Variants in HHAT observed in about 807,000 individuals in gnomAD.
HHAT encodes the protein protein-cysteine N-palmitoyltransferase HHAT.
A neutral mutation model predicts 70.8 loss-of-function variants in HHAT; 47 were observed. The observed-to-expected ratio is 0.66, with a 90% CI of 0.53 to 0.85. The LOEUF (loss-of-function observed/expected upper bound fraction) is 0.85. HHAT is among the 40% of genes least tolerant of loss of function. The pLI, the probability that HHAT is intolerant of heterozygous loss-of-function variation, is 0.00. For missense variants in HHAT, 609 were observed against 604.8 expected (o/e 1.01, Z -0.07); for synonymous variants, 228 against 247.6 (o/e 0.92, Z 0.74).
At position 210,608,843 on chromosome 1, in the gene HHAT, G is replaced by A. The variant is rs530657913; in HGVS notation, c.1246-14683G>A. On this transcript the variant is annotated intron_variant, in intron 10 of 11. Transcript: ENST00000261458. ...TGGCATCTTGTTGCTGCATCCTCCA[G>A]AGGGGACAAAACTGAATTGACTCAC... is the stretch of plus-strand genomic sequence containing the variant. Among the ~76,000 whole-genome samples, 6 of 152,296 alleles carry A rather than the reference G, an allele frequency of 3.9e-5. No individual in the cohort carries two copies. The South Asian group carries it at 1.2e-3, about 32-fold the overall frequency.
At chr1:210,630,921 C>T in intron 11 of HHAT, 1 of 394,354 alleles carries the variant, frequency 2.5e-6, no homozygotes, top group South Asian at 1.9e-5. Context: ...AGGATGGAAA[C>T]TGAAGCCATA....
chr1:210,452,065 T>C (rs2148400111), intron 7 of HHAT, among the ~76,000 whole-genome samples: 1 of 152,348 alleles, frequency 6.6e-6, no homozygotes, highest in Middle Eastern at 3.4e-3. Context: ...GAAGTGCTGT[T>C]GTAATTGCTA....
intron 8 of HHAT, among the ~76,000 whole-genome samples, chr1:210,468,637 T>C (rs1429168203): frequency 6.6e-6 from 1 of 152,098 alleles, no homozygotes; most frequent in Non-Finnish European, 1.5e-5. Context: ...GGTCCCTAGG[T>C]AGAGAGTTGG....
At chr1:210,638,722 CAAAAAAAAAA>C (rs71146238) in intron 11 of HHAT, among the ~76,000 whole-genome samples, 2 of 95,280 alleles carry the variant, frequency 2.1e-5, no homozygotes, top group East Asian at 3.2e-4. Context: ...CCTGTATTTA[CAAAAAAAAAA>C]AAAAAAAAAA....
chr1:210,555,510 C>T (rs1200178489), intron 9 of HHAT, among the ~76,000 whole-genome samples: 1 of 152,176 alleles, frequency 6.6e-6, no homozygotes, highest in African/African-American at 2.4e-5. Context: ...CAGTGGGAGT[C>T]TGTGGAGAGT....
intron 8 of HHAT, 80 bp downstream of exon 8, chr1:210,464,735 G>A: frequency 7.0e-7 from 1 of 1,437,208 alleles, no homozygotes; most frequent in Non-Finnish European, 9.6e-7. Flanking sequence ...AAGGGTTCGG[G>A]CTACTATCCT....
At chr1:210,516,631 A>T (rs887847511) in intron 9 of HHAT, among the ~76,000 whole-genome samples, 6 of 152,164 alleles carry the variant, frequency 3.9e-5, no homozygotes, top group African/African-American at 1.2e-4. Flanking sequence ...AGAAATTGTC[A>T]TACGTTCCCC....
At chr1:210,510,109 G>A (rs967159161) in intron 8 of HHAT, among the ~76,000 whole-genome samples, 2 of 152,172 alleles carry the variant, frequency 1.3e-5, no homozygotes, top group Non-Finnish European at 2.9e-5. Context: ...ATTTTATAAT[G>A]CAGAAATGGT....
At chr1:210,534,360 G>C (rs563626819) in intron 9 of HHAT, among the ~76,000 whole-genome samples, 1 of 151,944 alleles carries the variant, frequency 6.6e-6, no homozygotes, top group East Asian at 1.9e-4. Flanking sequence ...CACACTACAC[G>C]GTGTAAAGAT....
chr1:210,469,700 G>A (rs977218155), intron 8 of HHAT, among the ~76,000 whole-genome samples: 1 of 151,970 alleles, frequency 6.6e-6, no homozygotes, highest in South Asian at 2.1e-4. Flanking sequence ...ACAGTGTCTC[G>A]CTCTGTCACC....
chr1:210,396,939 TGTG>T lies in HHAT; in HGVS notation c.274-3525_274-3523del, dbSNP rs534495298. 1.9e-4 allele frequency among the ~76,000 whole-genome samples: 29 copies of T among 152,314 alleles called. No individual in the cohort carries two copies. In the East Asian group the frequency reaches 4.8e-3, roughly 25 times the overall value. On this transcript the variant is annotated intron_variant, in intron 4 of 11. Transcript: ENST00000261458. ...ATAAAATGGCAACACAAGGAATCCT[TGTG>T]GTGATGGAGCTGTTCTGCATTTTTA...
intron 2 of HHAT, among the ~76,000 whole-genome samples, chr1:210,356,416 T>G (rs988188214): frequency 1.3e-5 from 2 of 152,116 alleles, no homozygotes; most frequent in Admixed American, 6.5e-5. Flanking sequence ...TTCAGTGATA[T>G]ATCTGTAGTT....
intron 3 of HHAT, among the ~76,000 whole-genome samples, chr1:210,376,971 T>C (rs114767291): frequency 0.024 from 3,602 of 152,342 alleles, 58 homozygotes; most frequent in Middle Eastern, 0.058. Context: ...TGGGACTCCA[T>C]GTGGAGTTCC....
rs12061029 is a variant in HHAT at position 210,451,771 on chromosome 1, G to A, written c.857-12734G>A. ...TTTTTAAATTTTTTATAGAGACATG[G>A]TTTTGCTATGTTGCCCAGGCTGGTC... is the stretch of plus-strand genomic sequence containing the variant. On this transcript the variant is annotated intron_variant, in intron 7 of 11. Transcript: ENST00000261458. Among the ~76,000 whole-genome samples the A allele has an allele frequency of 7.8e-3, 1,190 of 152,174 alleles. 18 individuals carry two copies. The highest frequency in any genetic ancestry group is 0.026 in the African/African-American group (1,089 of 41,504).
intron 10 of HHAT, among the ~76,000 whole-genome samples, chr1:210,605,533 C>T (rs910573122): frequency 2.0e-5 from 3 of 152,028 alleles, no homozygotes; most frequent in South Asian, 4.1e-4. Flanking sequence ...AAAATTGGTC[C>T]GACTAAAAAG....
intron 9 of HHAT, among the ~76,000 whole-genome samples, chr1:210,551,949 T>TTTCC: frequency 6.6e-6 from 1 of 152,332 alleles, no homozygotes; most frequent in East Asian, 1.9e-4. Flanking sequence ...TAGAATCAGA[T>TTTCC]TGGAACATGA....
At chr1:210,661,477 G>A (rs1677704660) in intron 11 of HHAT, among the ~76,000 whole-genome samples, 1 of 152,190 alleles carries the variant, frequency 6.6e-6, no homozygotes, top group African/African-American at 2.4e-5. Context: ...TTCAACCATT[G>A]TGGAAGACAG....
chr1:210,363,081 G>T (rs1304853926), intron 3 of HHAT, among the ~76,000 whole-genome samples, 162 bp downstream of exon 3: 1 of 152,152 alleles, frequency 6.6e-6, no homozygotes, highest in Admixed American at 6.5e-5. Context: ...TGGGGAAGGC[G>T]TTCCCAGGGT....
intron 8 of HHAT, among the ~76,000 whole-genome samples, chr1:210,474,618 ATTCCAGG>A (rs796884700): frequency 5.3e-5 from 8 of 152,248 alleles, no homozygotes; most frequent in African/African-American, 1.9e-4. Flanking sequence ...AGCGGCATGC[ATTCCAGG>A]TTCTGTGTTT....
Sources: allele counts gnomAD v4.1 joint callset (sites outside exome capture counted in the v4.1 genomes callset), GRCh38; gene constraint gnomAD v4.1.1; transcripts MANE v1.5; gene names NCBI Gene and HGNC (gene_info 2026-07-23, HGNC 2026-07-21).